Variants in NXPE2 observed in about 807,000 individuals in gnomAD.
NXPE2 encodes the protein neurexophilin and PC-esterase domain family member 2, also known as NXPE family member 2.
In NXPE2, 34 loss-of-function variants were observed where a neutral mutation model predicts 34.4. That is an observed-to-expected ratio of 0.99 (90% CI 0.75 to 1.31). The LOEUF is 1.31. Among genes scored for constraint, NXPE2 ranks in the 40% most tolerant of loss-of-function variants. The pLI, the probability that NXPE2 is intolerant of heterozygous loss-of-function variation, is 0.00. For missense variants in NXPE2, 649 were observed against 672.5 expected (o/e 0.97, Z 0.39); for synonymous variants, 235 against 231.3 (o/e 1.02, Z -0.15).
At chr11:114,530,618 C>G in the NXPE2 span, 1 of 1,614,170 alleles carries the variant, frequency 6.2e-7, no homozygotes, top group African/African-American at 1.3e-5. Flanking sequence ...ATTGCTTCCT[C>G]TGTCCCAAGT....
downstream of NXPE2, among the ~76,000 whole-genome samples, chr11:114,708,897 T>C (rs1859555309): frequency 6.6e-6 from 1 of 152,244 alleles, no homozygotes; most frequent in Admixed American, 6.5e-5. Context: ...GGTTCTGACA[T>C]GATAGTTTCT....
chr11:114,522,518 A>AATGTTTTTTTAT, the NXPE2 span: 1 of 1,551,948 alleles, frequency 6.4e-7, no homozygotes, highest in African/African-American at 1.4e-5. Context: ...TAAAAAAACA[A>AATGTTTTTTTAT]ATAGATGTTT....
chr11:114,655,107 GC>G, the NXPE2 span, among the ~76,000 whole-genome samples: 1 of 151,506 alleles, frequency 6.6e-6, no homozygotes, highest in South Asian at 2.1e-4. Flanking sequence ...ATGTTTGTTT[GC>G]CACGTAAATA....
At chr11:114,606,007 T>A in the NXPE2 span, among the ~76,000 whole-genome samples, 3 of 151,768 alleles carry the variant, frequency 2.0e-5, no homozygotes, top group Admixed American at 1.3e-4. Flanking sequence ...AAGTATTGCC[T>A]CATGGGTAAC....
chr11:114,637,138 T>C, the NXPE2 span, among the ~76,000 whole-genome samples: 1 of 151,732 alleles, frequency 6.6e-6, no homozygotes, highest in African/African-American at 2.4e-5. Context: ...TTTATGAATC[T>C]AGGTGCTCCT....
intron 4 of NXPE2, 24 bp from the exon 5 acceptor site, chr11:114,705,757 T>G (rs1338543215): frequency 5.9e-6 from 8 of 1,352,080 alleles, no homozygotes; most frequent in African/African-American, 1.5e-5. Flanking sequence ...AAAAATTACT[T>G]AATCTGGAAA....
At chr11:114,532,948 A>G in the NXPE2 span, among the ~76,000 whole-genome samples, 20 of 152,170 alleles carry the variant, frequency 1.3e-4, no homozygotes, top group Non-Finnish European at 4.4e-5. Context: ...CAATAAAAGG[A>G]TTTGATGTAT....
the NXPE2 span, among the ~76,000 whole-genome samples, chr11:114,730,334 T>G: frequency 2.6e-5 from 4 of 152,124 alleles, no homozygotes; most frequent in Admixed American, 2.0e-4. Context: ...TCGGGTAATG[T>G]GATGCTCCGG....
chr11:114,685,879 A>G (rs1951036904), intron 2 of NXPE2, among the ~76,000 whole-genome samples: 1 of 152,146 alleles, frequency 6.6e-6, no homozygotes, highest in African/African-American at 2.4e-5. Flanking sequence ...AAAATCATAG[A>G]AATAAATAAC....
At chr11:114,636,283 T>C in the NXPE2 span, among the ~76,000 whole-genome samples, 48 of 152,222 alleles carry the variant, frequency 3.2e-4, no homozygotes, top group South Asian at 1.0e-2. Flanking sequence ...GATGGTAGTT[T>C]GTATTTCTGT....
chr11:114,509,902 C>G, the NXPE2 span, among the ~76,000 whole-genome samples: 2 of 152,132 alleles, frequency 1.3e-5, no homozygotes, highest in Non-Finnish European at 2.9e-5. Flanking sequence ...AACAAACCTG[C>G]ACATGTACCC....
At chr11:114,763,933 T>A in the NXPE2 span, among the ~76,000 whole-genome samples, 701 of 152,322 alleles carry the variant, frequency 4.6e-3, 3 homozygotes, top group African/African-American at 0.015. Flanking sequence ...CTGAAAAGTG[T>A]CATTTTTTCG....
the NXPE2 span, among the ~76,000 whole-genome samples, chr11:114,592,681 C>T: frequency 6.6e-6 from 1 of 152,026 alleles, no homozygotes; most frequent in African/African-American, 2.4e-5. Flanking sequence ...AAAAACAATT[C>T]TAAAATCTGT....
the NXPE2 span, among the ~76,000 whole-genome samples, chr11:114,603,204 G>A: frequency 6.6e-6 from 1 of 151,868 alleles, no homozygotes; most frequent in Admixed American, 6.6e-5. Flanking sequence ...TCGTCTCCTA[G>A]GTAACTCCTA....
the NXPE2 span, among the ~76,000 whole-genome samples, chr11:114,737,701 G>T: frequency 2.3e-3 from 357 of 152,216 alleles, 3 homozygotes; most frequent in African/African-American, 8.3e-3. Context: ...GGGTTTGAGG[G>T]GTTCTCCTCT....
At chr11:114,571,550 A>T in the NXPE2 span, 4 of 1,249,810 alleles carry the variant, frequency 3.2e-6, no homozygotes, top group Non-Finnish European at 4.4e-6. Flanking sequence ...GATGGAAGAG[A>T]TTTGATTGGT....
chr11:114,736,719 T>C, the NXPE2 span, among the ~76,000 whole-genome samples: 1 of 152,134 alleles, frequency 6.6e-6, no homozygotes, highest in African/African-American at 2.4e-5. Context: ...AGGGTATTGA[T>C]TGGGGAAGTG....
chr11:114,707,117 G>A (rs1951493356), downstream of NXPE2, among the ~76,000 whole-genome samples: 1 of 152,152 alleles, frequency 6.6e-6, no homozygotes, highest in Non-Finnish European at 1.5e-5. Flanking sequence ...TTGAGATAGA[G>A]TTTTGCTCCT....
At chr11:114,693,770 A>C (rs1011141661) in intron 2 of NXPE2, among the ~76,000 whole-genome samples, 1 of 152,238 alleles carries the variant, frequency 6.6e-6, no homozygotes, top group Non-Finnish European at 1.5e-5. Context: ...AGAGAATAGA[A>C]ATCAGGCAAA....
Sources: gnomAD v4.1 joint callset for allele counts (sites outside exome capture counted in the v4.1 genomes callset) on GRCh38, gnomAD v4.1.1 for gene constraint, MANE v1.5 for transcripts, NCBI Gene and HGNC (gene_info 2026-07-23, HGNC 2026-07-21) for gene names.